Variants in TMC7 observed in about 807,000 individuals in gnomAD.
The protein encoded by TMC7 is transmembrane channel-like protein 7.
Under a neutral mutation model 82.9 loss-of-function variants are expected in TMC7, and 54 were observed. The ratio of observed to expected loss-of-function variants is 0.65; its 90% CI spans 0.52 to 0.82. The LOEUF (loss-of-function observed/expected upper bound fraction) is 0.82, where lower values mean the gene tolerates loss of function less well. TMC7 is among the 40% of genes least tolerant of loss of function. TMC7 has a pLI of 0.00. For missense variants in TMC7, 820 were observed against 901.2 expected (o/e 0.91, Z 1.15); for synonymous variants, 350 against 337.9 (o/e 1.04, Z -0.39).
chr16:18,998,232 A>G (rs1430912026), intron 1 of TMC7, among the ~76,000 whole-genome samples: 1 of 152,212 alleles, frequency 6.6e-6, no homozygotes, highest in Non-Finnish European at 1.5e-5. Flanking sequence ...CAGGACAGCT[A>G]TAGGAGGTAG....
chr16:19,054,137 A>T (rs1961664019), intron 13 of TMC7, among the ~76,000 whole-genome samples: 1 of 152,184 alleles, frequency 6.6e-6, no homozygotes. Flanking sequence ...TCTTATACAC[A>T]GACCTTTGTG....
intron 1 of TMC7, among the ~76,000 whole-genome samples, chr16:18,989,484 A>C (rs886848605): frequency 2.0e-5 from 3 of 149,736 alleles, no homozygotes; most frequent in Non-Finnish European, 4.5e-5. Flanking sequence ...GACCTTTGTA[A>C]CAATCTGGTT....
chr16:19,056,508 C>T, intron 13 of TMC7, 34 bp from the exon 14 acceptor site: 1 of 1,605,006 alleles, frequency 6.2e-7, no homozygotes, highest in Non-Finnish European at 8.5e-7. Context: ...GTGCTGCACG[C>T]TCCTTCTGAG....
chr16:18,993,869 G>C (rs971590060), intron 1 of TMC7, among the ~76,000 whole-genome samples: 2 of 152,168 alleles, frequency 1.3e-5, no homozygotes, highest in African/African-American at 4.8e-5. Flanking sequence ...GTAGTGGAGG[G>C]GGGCAGAGTG....
intron 13 of TMC7, among the ~76,000 whole-genome samples, chr16:19,053,965 G>A (rs543160689): frequency 1.9e-4 from 29 of 151,480 alleles, no homozygotes; most frequent in African/African-American, 6.8e-4. Context: ...TTACAGGCGT[G>A]AGCCACCGTG....
At chr16:18,984,359 C>T (rs1353068603) in intron 1 of TMC7, 2 of 1,293,958 alleles carry the variant, frequency 1.5e-6, no homozygotes, top group East Asian at 3.3e-5. Context: ...CAAAAGGACA[C>T]GAGAACTGCA....
chr16:18,995,942 A>G (rs1373173973), intron 1 of TMC7, among the ~76,000 whole-genome samples: 3 of 151,996 alleles, frequency 2.0e-5, no homozygotes, highest in African/African-American at 7.3e-5. Flanking sequence ...CATGCCATGA[A>G]CTGGGCTGGG....
At position 19,016,511 on chromosome 16, in the gene TMC7, A is replaced by C; in HGVS notation, c.373A>C (p.Ser125Arg). Residue 125 changes from serine to arginine, a missense_variant, in exon 3 of 16, where the codon AGC becomes CGC. Physicochemically the swap from Ser to Arg is moderately radical, Grantham distance 110 (BLOSUM62 -1). Transcript: ENST00000304381. ...ATGGGACCAGTGGAAGCGGTATAGC[A>C]GCAAGTCTTGGAAGAGGTTCCTAGA... Reference protein sequence around the residue: ...SEWDQWKRYSSKSWKRFLEKA... With the variant: ...SEWDQWKRYSRKSWKRFLEKA... 6.2e-7 allele frequency: 1 copy of C among 1,614,230 alleles called. No individual in the cohort carries two copies. Among genetic ancestry groups the C allele is most frequent in the South Asian group, 1.1e-5 (1 of 91,084 alleles).
At chr16:19,007,669 CA>C (rs548048423) in intron 1 of TMC7, among the ~76,000 whole-genome samples, 193 of 139,344 alleles carry the variant, frequency 1.4e-3, no homozygotes, top group African/African-American at 4.0e-3. Flanking sequence ...GACTCCGTCT[CA>C]AAAAAAAAAA....
intron 8 of TMC7, 21 bp from the exon 9 acceptor site, chr16:19,040,267 AT>A: frequency 6.2e-7 from 1 of 1,607,168 alleles, no homozygotes; most frequent in African/African-American, 1.3e-5. Context: ...CTCCTGACTA[AT>A]AAGTTTTGTT....
intron 1 of TMC7, among the ~76,000 whole-genome samples, chr16:19,007,665 G>A (rs1374378930): frequency 8.7e-5 from 13 of 149,222 alleles, no homozygotes; most frequent in Non-Finnish European, 1.6e-4. Context: ...GCGAGACTCC[G>A]TCTCAAAAAA....
intron 1 of TMC7, among the ~76,000 whole-genome samples, chr16:18,985,426 T>C (rs2038828640): frequency 6.6e-6 from 1 of 152,186 alleles, no homozygotes; most frequent in Non-Finnish European, 1.5e-5. Flanking sequence ...ATTTTCTAGC[T>C]CAATATTAAT....
intron 12 of TMC7, among the ~76,000 whole-genome samples, chr16:19,048,953 C>T (rs1175490564): frequency 6.6e-6 from 1 of 152,004 alleles, no homozygotes; most frequent in Non-Finnish European, 1.5e-5. Context: ...CCATGTGTCC[C>T]CACTCTGCCA....
At chr16:18,985,698 G>GT (rs56873601) in intron 1 of TMC7, among the ~76,000 whole-genome samples, 2,227 of 132,756 alleles carry the variant, frequency 0.017, 37 homozygotes, top group African/African-American at 0.033. Flanking sequence ...AGATAGATGA[G>GT]TTTTTTTTTT....
chr16:19,053,422 A>G lies in TMC7; in HGVS notation c.1871+1606A>G, dbSNP rs57423200. ...TAGCTTTGATTTTTTTTTCTTTTTGAGACAGAGTTTCGCTCTTGTTGCCCA... is the reference window on the plus strand; with the variant it reads ...TAGCTTTGATTTTTTTTTCTTTTTGGGACAGAGTTTCGCTCTTGTTGCCCA... On this transcript the variant is annotated intron_variant, in intron 13 of 15. Coordinates refer to ENST00000304381, the MANE Select transcript of TMC7 (RefSeq NM_024847.4). Among the ~76,000 whole-genome samples the G allele has an allele frequency of 1.0e-3, 153 of 149,630 alleles. 1 individual carries two copies. In the East Asian group the frequency reaches 0.022, roughly 21 times the overall value.
At chr16:19,030,110 G>A (rs767737701) in intron 5 of TMC7, 114 bp from the exon 6 acceptor site, 14 of 1,056,284 alleles carry the variant, frequency 1.3e-5, no homozygotes, top group Non-Finnish European at 1.8e-5. Context: ...AGTCTCTGGG[G>A]ATACAGAGAG....
chr16:18,994,951 C>T (rs1485042117), intron 1 of TMC7, among the ~76,000 whole-genome samples: 2 of 150,054 alleles, frequency 1.3e-5, no homozygotes, highest in South Asian at 2.1e-4. Context: ...GTTGCCAAGG[C>T]GGGAGTAGAG....
At chr16:19,001,683 A>G (rs2039143662) in intron 1 of TMC7, among the ~76,000 whole-genome samples, 1 of 152,192 alleles carries the variant, frequency 6.6e-6, no homozygotes, top group Non-Finnish European at 1.5e-5. Context: ...ACCTTGTCTT[A>G]AACAAACAAC....
Position 19,035,789 on chromosome 16 carries a change from A to T in TMC7, c.971A>T (p.Asp324Val). Residue 324 changes from aspartate (D) to valine (V), a missense_variant, in exon 7 of 16, where the codon GAT becomes GTT. Transcript: ENST00000304381. ...TGCATCACTAACCGCAGCATGGCGGATCTGAAGCACAGCAGCTTGCGGTAC... is the reference window on the plus strand; with the variant it reads ...TGCATCACTAACCGCAGCATGGCGGTTCTGAAGCACAGCAGCTTGCGGTAC... ...DFCITNRSMA[D>V]LKHSSLRYEL... 1 of 1,608,232 alleles carries T rather than the reference A, an allele frequency of 6.2e-7. No homozygotes were observed. The highest frequency in any genetic ancestry group is 8.5e-7 in the Non-Finnish European group (1 of 1,176,990).
Sources: allele counts gnomAD v4.1 joint callset (sites outside exome capture counted in the v4.1 genomes callset), GRCh38; gene constraint gnomAD v4.1.1; transcripts MANE v1.5; gene names NCBI Gene and HGNC (gene_info 2026-07-23, HGNC 2026-07-21).